Variants in PMFBP1 observed in about 807,000 individuals in gnomAD.
The protein encoded by PMFBP1 is polyamine modulated factor 1 binding protein 1, also known as polyamine-modulated factor 1-binding protein 1.
A neutral mutation model predicts 137.8 loss-of-function variants in PMFBP1; 131 were observed. The ratio of observed to expected loss-of-function variants is 0.95; its 90% CI spans 0.82 to 1.10. The LOEUF (loss-of-function observed/expected upper bound fraction) is 1.10. Ranked by LOEUF, PMFBP1 falls within the 50% of genes least tolerant of loss-of-function variation. The pLI, the probability that PMFBP1 is intolerant of heterozygous loss-of-function variation, is 0.00. For synonymous variants in PMFBP1, 490 were observed against 450.4 expected (o/e 1.09, Z -1.11); for missense variants, 1,199 against 1,175.4 (o/e 1.02, Z -0.29).
chr16:72,171,131 A>C, intron 2 of PMFBP1, 66 bp downstream of exon 2: 1 of 1,543,206 alleles, frequency 6.5e-7, no homozygotes, highest in Non-Finnish European at 8.9e-7. Flanking sequence ...TGAATCATAA[A>C]ACATGAAAAA....
At chr16:72,164,244 G>A in intron 3 of PMFBP1, 1 of 411,236 alleles carries the variant, frequency 2.4e-6, no homozygotes, top group Non-Finnish European at 4.6e-6. Flanking sequence ...TGCTTCTAGG[G>A]GCATTAACTC....
the PMFBP1 span, among the ~76,000 whole-genome samples, chr16:72,239,840 T>A: frequency 7.5e-6 from 1 of 133,058 alleles, no homozygotes; most frequent in Non-Finnish European, 1.5e-5. Context: ...GAGCCAAGAT[T>A]GCACCACTGC....
intron 5 of PMFBP1, among the ~76,000 whole-genome samples, chr16:72,144,780 T>A: frequency 6.6e-6 from 1 of 152,030 alleles, no homozygotes; most frequent in East Asian, 1.9e-4. Flanking sequence ...AAAATTAAAA[T>A]CTTCTGGCAT....
At chr16:72,228,935 G>A in the PMFBP1 span, among the ~76,000 whole-genome samples, 1 of 150,854 alleles carries the variant, frequency 6.6e-6, no homozygotes, top group South Asian at 2.1e-4. Context: ...GGGCTTTGGT[G>A]TACAGATTAT....
upstream of PMFBP1, among the ~76,000 whole-genome samples, chr16:72,179,578 T>C (rs1269778902): frequency 1.3e-5 from 2 of 150,690 alleles, no homozygotes; most frequent in East Asian, 1.9e-4. Context: ...TAAGAAATGA[T>C]TGTGAAGTAT....
At chr16:72,244,784 A>C in the PMFBP1 span, among the ~76,000 whole-genome samples, 1 of 152,228 alleles carries the variant, frequency 6.6e-6, no homozygotes, top group Non-Finnish European at 1.5e-5. Context: ...TATTTCTTCC[A>C]GTGCAACAAA....
chr16:72,157,183 CAAAAAAA>C (rs35414674), intron 3 of PMFBP1, among the ~76,000 whole-genome samples: 4 of 18,922 alleles, frequency 2.1e-4, no homozygotes, highest in African/African-American at 8.5e-4. Context: ...GACTCCATCT[CAAAAAAA>C]AAAAAAAAAA....
chr16:72,166,528 G>C (rs2043147351), intron 2 of PMFBP1, among the ~76,000 whole-genome samples: 6 of 152,172 alleles, frequency 3.9e-5, no homozygotes, highest in Admixed American at 3.9e-4. Flanking sequence ...TTACCAAGAG[G>C]GTTCTTAAGT....
chr16:72,179,351 C>A (rs1267715164), upstream of PMFBP1, among the ~76,000 whole-genome samples: 2 of 152,168 alleles, frequency 1.3e-5, no homozygotes, highest in African/African-American at 4.8e-5. Flanking sequence ...ACAAGAGCAA[C>A]ATTTCTGAGT....
rs915705249 is a variant in PMFBP1 at position 72,132,806 on chromosome 16, A to C, written c.1389T>G (p.Ala463=). 4 of 1,614,056 alleles carry C rather than the reference A, an allele frequency of 2.5e-6. No individual in the cohort carries two copies. The highest frequency in any genetic ancestry group is 3.4e-6 in the Non-Finnish European group (4 of 1,180,036). ...SKEAECKALQ[A]EVQKLKNSLE... is the part of the protein sequence containing the mutation. ...GACTGTTCTTCAGCTTCTGGACCTC[A>C]GCCTGCAGGGCCTTGCACTCCGCCT... is the stretch of plus-strand genomic sequence containing the variant. Residue 463 remains alanine (A), a synonymous_variant, in exon 10 of 21, where the codon GCT becomes GCG. Coordinates refer to ENST00000237353, the MANE Select transcript of PMFBP1 (RefSeq NM_031293.3).
chr16:72,191,734 G>T, the PMFBP1 span, among the ~76,000 whole-genome samples: 2 of 152,078 alleles, frequency 1.3e-5, no homozygotes, highest in Non-Finnish European at 2.9e-5. Context: ...CTCCTCTTGA[G>T]GTATGAGGGC....
At chr16:72,159,537 C>CAGAG (rs2043030575) in intron 3 of PMFBP1, among the ~76,000 whole-genome samples, 1 of 152,174 alleles carries the variant, frequency 6.6e-6, no homozygotes, top group South Asian at 2.1e-4. Flanking sequence ...CTTCTATCTG[C>CAGAG]AGAGAAACTA....
chr16:72,146,363 T>C (rs1038353159), intron 5 of PMFBP1, among the ~76,000 whole-genome samples: 26 of 152,300 alleles, frequency 1.7e-4, no homozygotes, highest in African/African-American at 6.0e-4. Flanking sequence ...TAGGTATTGA[T>C]GGGATGTATC....
At chr16:72,231,798 T>C in the PMFBP1 span, among the ~76,000 whole-genome samples, 1 of 148,652 alleles carries the variant, frequency 6.7e-6, no homozygotes, top group East Asian at 2.0e-4. Flanking sequence ...TGTGTTTTAT[T>C]ACAAACCAGT....
At chr16:72,139,446 G>A in intron 6 of PMFBP1, 47 bp from the exon 7 acceptor site, 1 of 1,357,380 alleles carries the variant, frequency 7.4e-7, no homozygotes, top group Non-Finnish European at 1.1e-6. Context: ...AATGGAACGT[G>A]CTTGTTACCA....
chr16:72,236,489 G>C, the PMFBP1 span, among the ~76,000 whole-genome samples: 2 of 152,256 alleles, frequency 1.3e-5, no homozygotes, highest in Middle Eastern at 3.4e-3. Context: ...AGATAAAATT[G>C]AGAAATGCCT....
rs755857904 is a variant in PMFBP1, at chr16:72,150,773, G to A, written c.471C>T (p.Leu157=). 2 of 1,614,034 alleles carry A rather than the reference G, an allele frequency of 1.2e-6. No individual in the cohort carries two copies. Among genetic ancestry groups the A allele is most frequent in the Admixed American group, 1.7e-5 (1 of 60,006 alleles). The part of the protein sequence containing the change: ...GNHNENTGEK[L]HLAQEQLALA... Reference sequence around the variant, plus strand: ...AGGCGAGTTGCTCCTGCGCCAAATGGAGCTTCTCCCCTGTGTTCTCGTTGT... The same window carrying A: ...AGGCGAGTTGCTCCTGCGCCAAATGAAGCTTCTCCCCTGTGTTCTCGTTGT... The change falls in exon 5 of 21, where the codon CTC becomes CTT. Residue 157 remains leucine, a synonymous_variant. Coordinates refer to ENST00000237353, the MANE Select transcript of PMFBP1 (RefSeq NM_031293.3).
intron 2 of PMFBP1, among the ~76,000 whole-genome samples, chr16:72,170,021 G>C (rs2043198996): frequency 1.6e-5 from 2 of 123,650 alleles, no homozygotes; most frequent in South Asian, 6.2e-4. Flanking sequence ...TGGCACCTGG[G>C]CAATTTTCAC....
chr16:72,240,022 A>G, the PMFBP1 span, among the ~76,000 whole-genome samples: 12 of 152,312 alleles, frequency 7.9e-5, no homozygotes, highest in South Asian at 2.5e-3. Context: ...CCAGAACCTC[A>G]GGTTCCTTAA....
Sources: allele counts gnomAD v4.1 joint callset (sites outside exome capture counted in the v4.1 genomes callset), GRCh38; gene constraint gnomAD v4.1.1; transcripts MANE v1.5; gene names NCBI Gene and HGNC (gene_info 2026-07-23, HGNC 2026-07-21).